SGCZ: variants seen among roughly 807,000 people sequenced by gnomAD.
SGCZ encodes the protein zeta-sarcoglycan.
SGCZ carries 40 observed loss-of-function variants against 41.3 expected under a neutral mutation model. The observed-to-expected ratio is 0.97, with a 90% CI of 0.75 to 1.26. The LOEUF (loss-of-function observed/expected upper bound fraction) is 1.26. Among genes scored for constraint, SGCZ ranks in the 50% most tolerant of loss-of-function variants. The pLI is 0.00. For missense variants in SGCZ, 552 were observed against 369.8 expected (o/e 1.49, Z -4.04); for synonymous variants, 206 against 137.5 (o/e 1.50, Z -3.49).
At chr8:14,454,035 C>G (rs995935054) in intron 2 of SGCZ, among the ~76,000 whole-genome samples, 1 of 152,118 alleles carries the variant, frequency 6.6e-6, no homozygotes, top group Non-Finnish European at 1.5e-5. Context: ...TGAACAGACA[C>G]TACCCCAAAA....
intron 6 of SGCZ, among the ~76,000 whole-genome samples, chr8:14,107,455 C>G (rs1802241311): frequency 6.6e-6 from 1 of 152,036 alleles, no homozygotes; most frequent in Non-Finnish European, 1.5e-5. Flanking sequence ...CTGAGGAACC[C>G]CATCATAGTC....
At chr8:14,982,094 G>A (rs1205049400) in intron 1 of SGCZ, among the ~76,000 whole-genome samples, 1 of 151,528 alleles carries the variant, frequency 6.6e-6, no homozygotes, top group Non-Finnish European at 1.5e-5. Context: ...AGTTTGCAGT[G>A]AGCCAGGATC....
chr8:14,298,222 C>T (rs1370757718), intron 3 of SGCZ, among the ~76,000 whole-genome samples: 1 of 151,806 alleles, frequency 6.6e-6, no homozygotes, highest in Non-Finnish European at 1.5e-5. Flanking sequence ...GTGATGCATT[C>T]CTATGAAAAT....
chr8:14,461,234 T>A (rs189894610), intron 2 of SGCZ, among the ~76,000 whole-genome samples: 1 of 152,228 alleles, frequency 6.6e-6, no homozygotes, highest in African/African-American at 2.4e-5. Flanking sequence ...TTGGCAGTAG[T>A]CCTATGAACA....
intron 1 of SGCZ, among the ~76,000 whole-genome samples, chr8:14,946,215 A>T (rs1207977022): frequency 6.6e-6 from 1 of 150,664 alleles, no homozygotes; most frequent in Non-Finnish European, 1.5e-5. Context: ...CAGAACCATG[A>T]AGCCTCCTCA....
chr8:14,967,859 G>A (rs975345475), intron 1 of SGCZ, among the ~76,000 whole-genome samples: 31 of 152,160 alleles, frequency 2.0e-4, no homozygotes, highest in African/African-American at 7.5e-4. Flanking sequence ...CATGTTCACA[G>A]TCAGATAACT....
chr8:14,546,455 C>G (rs1803630710), intron 2 of SGCZ, among the ~76,000 whole-genome samples: 1 of 152,132 alleles, frequency 6.6e-6, no homozygotes, highest in Admixed American at 6.6e-5. Context: ...GATAAAATAG[C>G]TTTCTGAAAA....
chr8:14,931,163 AC>A (rs1224884855), intron 1 of SGCZ, among the ~76,000 whole-genome samples: 1 of 151,982 alleles, frequency 6.6e-6, no homozygotes, highest in Non-Finnish European at 1.5e-5. Context: ...TTTCAAATTA[AC>A]TTTTACCAAT....
At chr8:14,103,339 G>C (rs997193232) in intron 6 of SGCZ, among the ~76,000 whole-genome samples, 1 of 152,114 alleles carries the variant, frequency 6.6e-6, no homozygotes, top group Non-Finnish European at 1.5e-5. Context: ...GATGAGAAGA[G>C]GTAGGATCCA....
chr8:14,874,358 C>T (rs1303565141), intron 1 of SGCZ, among the ~76,000 whole-genome samples: 3 of 152,046 alleles, frequency 2.0e-5, no homozygotes, highest in African/African-American at 7.2e-5. Flanking sequence ...TAGGACTTGG[C>T]TCATAATTTT....
intron 1 of SGCZ, among the ~76,000 whole-genome samples, chr8:14,573,378 T>A (rs1232485652): frequency 6.6e-6 from 1 of 151,888 alleles, no homozygotes; most frequent in African/African-American, 2.4e-5. Context: ...TTTTTTGTAT[T>A]TTTAGTAGAG....
At chr8:14,503,716 C>T (rs1001387493) in intron 2 of SGCZ, among the ~76,000 whole-genome samples, 8 of 151,596 alleles carry the variant, frequency 5.3e-5, no homozygotes, top group South Asian at 2.1e-4. Flanking sequence ...TGCAGTGAGC[C>T]GAGATCACAC....
At chr8:15,131,861 T>G (rs1388315035) in intron 1 of SGCZ, among the ~76,000 whole-genome samples, 4 of 152,208 alleles carry the variant, frequency 2.6e-5, no homozygotes, top group African/African-American at 4.8e-5. Context: ...AATGTGTTTC[T>G]CAGCCTGAAA....
At chr8:14,949,992 G>T (rs983743937) in intron 1 of SGCZ, among the ~76,000 whole-genome samples, 3 of 151,942 alleles carry the variant, frequency 2.0e-5, no homozygotes, top group South Asian at 2.1e-4. Context: ...AAAACACCAG[G>T]TCATTTCTTT....
intron 1 of SGCZ, among the ~76,000 whole-genome samples, chr8:14,796,230 C>T (rs1801124337): frequency 6.6e-6 from 1 of 152,146 alleles, no homozygotes; most frequent in Non-Finnish European, 1.5e-5. Flanking sequence ...TCTGTCATTA[C>T]ATCTTTGAGA....
At chr8:15,000,179 A>G (rs555399679) in intron 1 of SGCZ, among the ~76,000 whole-genome samples, 3 of 152,258 alleles carry the variant, frequency 2.0e-5, no homozygotes, top group East Asian at 1.9e-4. Context: ...TCTCCAAGTC[A>G]AGGAGAGAGT....
At chr8:14,250,262 T>G (rs1385018293) in intron 3 of SGCZ, among the ~76,000 whole-genome samples, 2 of 152,186 alleles carry the variant, frequency 1.3e-5, no homozygotes, top group Non-Finnish European at 2.9e-5. Context: ...TTGCAATTGT[T>G]GCAAAAAAAT....
intron 3 of SGCZ, among the ~76,000 whole-genome samples, chr8:14,292,292 G>A (rs1800866503): frequency 6.6e-6 from 1 of 151,958 alleles, no homozygotes; most frequent in Non-Finnish European, 1.5e-5. Flanking sequence ...CTAATCTGGG[G>A]CAGACATGAG....
At chr8:14,830,943 C>A (rs924861146) in intron 1 of SGCZ, among the ~76,000 whole-genome samples, 2 of 152,112 alleles carry the variant, frequency 1.3e-5, no homozygotes, top group African/African-American at 4.8e-5. Context: ...TGTTTCCTTT[C>A]TATTTTAATT....
Sources: gnomAD v4.1 joint callset for allele counts (sites outside exome capture counted in the v4.1 genomes callset) on GRCh38, gnomAD v4.1.1 for gene constraint, MANE v1.5 for transcripts, NCBI Gene and HGNC (gene_info 2026-07-23, HGNC 2026-07-21) for gene names.